Variants in IKZF3 observed in about 807,000 individuals in gnomAD.
IKZF3 encodes the protein IKAROS family zinc finger 3.
A neutral mutation model predicts 49.0 loss-of-function variants in IKZF3; 10 were observed. That is an observed-to-expected ratio of 0.20 (90% CI 0.13 to 0.35). The LOEUF is 0.35. IKZF3 is among the 10% of genes least tolerant of loss of function. The pLI is 1.00. For synonymous variants in IKZF3, 209 were observed against 228.2 expected (o/e 0.92, Z 0.76); for missense variants, 498 against 664.8 (o/e 0.75, Z 2.76).
At chr17:39,793,143 C>T (rs1288800585) in intron 3 of IKZF3, among the ~76,000 whole-genome samples, 1 of 152,206 alleles carries the variant, frequency 6.6e-6, no homozygotes, top group Non-Finnish European at 1.5e-5. Flanking sequence ...TACTTACACA[C>T]ATAAAAATAG....
At chr17:39,839,564 A>T in intron 1 of IKZF3, 1 of 508,086 alleles carries the variant, frequency 2.0e-6, no homozygotes, top group Non-Finnish European at 3.8e-6. Context: ...GATGGCGGAG[A>T]AAGGAAGAGA....
chr17:39,799,393 T>C (rs2061260574), intron 3 of IKZF3, among the ~76,000 whole-genome samples: 1 of 152,222 alleles, frequency 6.6e-6, no homozygotes, highest in Non-Finnish European at 1.5e-5. Flanking sequence ...AATGATTTCA[T>C]TTGCTTATAG....
intron 1 of IKZF3, among the ~76,000 whole-genome samples, chr17:39,844,736 C>A (rs892154131): frequency 6.6e-6 from 1 of 152,080 alleles, no homozygotes; most frequent in Non-Finnish European, 1.5e-5. Flanking sequence ...GATTCTCCTG[C>A]CTTAGCCTCC....
At chr17:39,841,821 G>A (rs1217186925) in intron 1 of IKZF3, among the ~76,000 whole-genome samples, 7 of 152,024 alleles carry the variant, frequency 4.6e-5, no homozygotes, top group Admixed American at 3.9e-4. Flanking sequence ...AAGGCAGGAG[G>A]ATTGCTTGAT....
intron 1 of IKZF3, among the ~76,000 whole-genome samples, chr17:39,863,449 A>G (rs2063270800): frequency 6.6e-6 from 1 of 152,180 alleles, no homozygotes; most frequent in Non-Finnish European, 1.5e-5. Context: ...GCCATTTTCA[A>G]GGTTTTAGAA....
intron 2 of IKZF3, among the ~76,000 whole-genome samples, chr17:39,830,301 CT>C (rs2062075159): frequency 6.6e-6 from 1 of 152,098 alleles, no homozygotes; most frequent in Non-Finnish European, 1.5e-5. Flanking sequence ...CCCCAAGTTT[CT>C]TTATTTGTTT....
Position 39,788,307 on chromosome 17 carries a change from G to A in IKZF3, c.660C>T (p.His220=), listed in dbSNP as rs1195120168. ...SYKQRSSLEE[H]KERCRTFLQS... is the part of the protein sequence containing the mutation. ...GAAGAAATGTACGGCAGCGCTCCTT[G>A]TGCTCCTCAAGGGAACTTCTCTGCT... The change falls in exon 6 of 8, where the codon CAC becomes CAT. Residue 220 remains histidine (H), a synonymous_variant. Transcript: ENST00000346872. 3 of 1,613,746 alleles carry A rather than the reference G, an allele frequency of 1.9e-6. No individual in the cohort carries two copies. The highest frequency in any genetic ancestry group is 1.7e-5 in the Admixed American group (1 of 59,976).
chr17:39,853,071 C>A (rs181617438), intron 1 of IKZF3, among the ~76,000 whole-genome samples: 1 of 152,152 alleles, frequency 6.6e-6, no homozygotes, highest in South Asian at 2.1e-4. Flanking sequence ...CCTGACCCTG[C>A]CTCCTTCCAT....
Position 39,760,769 on chromosome 17 carries a change from AC to A in IKZF3, c.*5020del, listed in dbSNP as rs2060165283. 6.6e-6 allele frequency: 1 copy of A among 152,202 alleles called. No homozygotes were observed. 9.4% of individuals were successfully genotyped at this position (152,202 alleles called of 1,614,324 possible). On this transcript the variant is annotated 3_prime_UTR_variant, in exon 8 of 8. Coordinates refer to ENST00000346872, the MANE Select transcript of IKZF3 (RefSeq NM_012481.5). ...TCACGAAACAAAGCCGAAAAGAAAA[AC>A]TTTATGTGGATGTGAGATTTGATAG... is the stretch of plus-strand genomic sequence containing the variant.
chr17:39,778,310 T>G, intron 6 of IKZF3: 1 of 314,688 alleles, frequency 3.2e-6, no homozygotes, highest in Non-Finnish European at 4.5e-6. Flanking sequence ...TTTCTTTTTC[T>G]TTTTTTTTTT....
At chr17:39,794,468 T>C (rs2061112204) in intron 3 of IKZF3, among the ~76,000 whole-genome samples, 1 of 152,226 alleles carries the variant, frequency 6.6e-6, no homozygotes, top group African/African-American at 2.4e-5. Flanking sequence ...CAACCCAAGT[T>C]TCAATTTTCA....
At chr17:39,776,233 C>G (rs1247686496) in intron 7 of IKZF3, among the ~76,000 whole-genome samples, 1 of 152,140 alleles carries the variant, frequency 6.6e-6, no homozygotes, top group Non-Finnish European at 1.5e-5. Flanking sequence ...ACAGTGAGAC[C>G]CCGTCTCAAA....
chr17:39,840,395 T>G (rs886214028), intron 1 of IKZF3, among the ~76,000 whole-genome samples: 4 of 152,212 alleles, frequency 2.6e-5, no homozygotes, highest in Admixed American at 1.3e-4. Flanking sequence ...CTGCTTTTGG[T>G]CATTTTTCCA....
intron 5 of IKZF3, 45 bp downstream of exon 5, chr17:39,791,371 A>G: frequency 6.3e-7 from 1 of 1,596,250 alleles, no homozygotes; most frequent in Middle Eastern, 1.7e-4. Context: ...CTGGGCTCTG[A>G]GGAATGCACT....
chr17:39,842,275 G>C (rs1483061244), intron 1 of IKZF3, among the ~76,000 whole-genome samples: 2 of 152,106 alleles, frequency 1.3e-5, no homozygotes, highest in African/African-American at 2.4e-5. Context: ...CCAACACTTT[G>C]GGAGGCTGAG....
intron 7 of IKZF3, among the ~76,000 whole-genome samples, chr17:39,768,901 C>T (rs1006948302): frequency 7.9e-5 from 12 of 152,126 alleles, no homozygotes; most frequent in African/African-American, 2.9e-4. Flanking sequence ...AAATTTTGAT[C>T]GGATACTACT....
intron 1 of IKZF3, among the ~76,000 whole-genome samples, chr17:39,861,786 C>T (rs934782629): frequency 6.6e-6 from 1 of 151,932 alleles, no homozygotes; most frequent in African/African-American, 2.4e-5. Flanking sequence ...GCTCAAAACC[C>T]CTGTGAGAAT....
Position 39,758,810 on chromosome 17 carries a change from G to A in IKZF3, c.*6980C>T. 1 of 148,808 alleles carries A rather than the reference G, an allele frequency of 6.7e-6. No individual in the cohort carries two copies. Among genetic ancestry groups the A allele is most frequent in the East Asian group, 2.0e-4 (1 of 5,116 alleles). 9.2% of individuals were successfully genotyped at this position (148,808 alleles called of 1,614,324 possible). A position where few individuals can be genotyped will look rare whatever the true frequency, so the allele number is the denominator to read the frequency against. ...ACATGAAGGAAACTGTTAGAGATCA[G>A]TTACCTCCATAATTCATTTGTAAAG... is the stretch of plus-strand genomic sequence containing the variant. On this transcript the variant is annotated 3_prime_UTR_variant, in exon 8 of 8. Coordinates refer to ENST00000346872, the MANE Select transcript of IKZF3 (RefSeq NM_012481.5).
intron 3 of IKZF3, among the ~76,000 whole-genome samples, chr17:39,823,470 G>T (rs1185706106): frequency 6.6e-6 from 1 of 152,190 alleles, no homozygotes; most frequent in African/African-American, 2.4e-5. Flanking sequence ...GCATAAATTT[G>T]CATAAGTAAT....
Sources: allele counts gnomAD v4.1 joint callset (sites outside exome capture counted in the v4.1 genomes callset), GRCh38; gene constraint gnomAD v4.1.1; transcripts MANE v1.5; gene names NCBI Gene and HGNC (gene_info 2026-07-23, HGNC 2026-07-21).